Variants in BBX observed in about 807,000 individuals in gnomAD.
The protein encoded by BBX is BBX high mobility group box domain containing.
BBX carries 30 observed loss-of-function variants against 100.2 expected under a neutral mutation model. The ratio of observed to expected loss-of-function variants is 0.30; its 90% CI spans 0.22 to 0.41. BBX has a LOEUF of 0.41. Ranked by LOEUF, BBX falls within the 10% of genes least tolerant of loss-of-function variation. The probability of loss-of-function intolerance (pLI) is 1.00; values close to 1 mark genes in which losing one functional copy is unlikely to be tolerated. For missense variants in BBX, 1,023 were observed against 1,129.8 expected (o/e 0.91, Z 1.35); for synonymous variants, 376 against 388.1 (o/e 0.97, Z 0.37).
At chr3:107,574,859 A>T (rs1012772044) in intron 2 of BBX, among the ~76,000 whole-genome samples, 3 of 152,194 alleles carry the variant, frequency 2.0e-5, no homozygotes, top group Admixed American at 6.5e-5. Context: ...ACTCAAGTGG[A>T]CTTTCCTGGG....
At chr3:107,733,142 T>C (rs2063415032) in intron 7 of BBX, 119 bp downstream of exon 7, 1 of 846,790 alleles carries the variant, frequency 1.2e-6, no homozygotes, top group East Asian at 2.8e-5. Flanking sequence ...ACAAACTTTA[T>C]AATCTTTCTC....
chr3:107,624,386 T>G (rs1278371231), intron 2 of BBX, among the ~76,000 whole-genome samples: 1 of 152,194 alleles, frequency 6.6e-6, no homozygotes, highest in Non-Finnish European at 1.5e-5. Context: ...TTTGGAATCC[T>G]TTTTGCTTTG....
intron 2 of BBX, among the ~76,000 whole-genome samples, chr3:107,572,228 C>T (rs1233787153): frequency 1.3e-5 from 2 of 152,180 alleles, no homozygotes; most frequent in Non-Finnish European, 2.9e-5. Context: ...GTCTCTTGAA[C>T]TTTTCCCGTC....
chr3:107,580,320 C>G (rs1194373854), intron 2 of BBX, among the ~76,000 whole-genome samples: 1 of 151,832 alleles, frequency 6.6e-6, no homozygotes, highest in African/African-American at 2.4e-5. Context: ...AGCTTTTGGA[C>G]AGAATATGAA....
chr3:107,631,175 A>G (rs1462208833), intron 2 of BBX, among the ~76,000 whole-genome samples: 2 of 152,176 alleles, frequency 1.3e-5, no homozygotes, highest in South Asian at 2.1e-4. Context: ...AGTCTTTTCC[A>G]TTACAATAGA....
At chr3:107,533,624 AT>A (rs2048307572) in intron 2 of BBX, among the ~76,000 whole-genome samples, 1 of 152,204 alleles carries the variant, frequency 6.6e-6, no homozygotes, top group Admixed American at 6.5e-5. Context: ...AACCTCTTAT[AT>A]TCCATTTTGA....
At chr3:107,790,698 A>G (rs1450553342) in intron 14 of BBX, among the ~76,000 whole-genome samples, 1 of 152,176 alleles carries the variant, frequency 6.6e-6, no homozygotes, top group Non-Finnish European at 1.5e-5. Context: ...AAACCAACTC[A>G]TCCGGTGCCC....
At chr3:107,596,138 T>C (rs1044194748) in intron 2 of BBX, among the ~76,000 whole-genome samples, 2 of 152,232 alleles carry the variant, frequency 1.3e-5, no homozygotes, top group African/African-American at 4.8e-5. Flanking sequence ...AAGGGTCAAC[T>C]GTATTTTATA....
chr3:107,810,796 T>G lies in BBX; in HGVS notation c.*5339T>G, dbSNP rs1467113564. On this transcript the variant is annotated 3_prime_UTR_variant, in exon 18 of 18. Coordinates refer to ENST00000325805, the MANE Select transcript of BBX (RefSeq NM_001142568.3). ...TCACCTGAGACTCCACATACCAGATTATAAACTCTTCTCGTAGGTTTGAAT... is the reference window on the plus strand; with the variant it reads ...TCACCTGAGACTCCACATACCAGATGATAAACTCTTCTCGTAGGTTTGAAT... The G allele has an allele frequency of 6.6e-6, 1 of 152,240 alleles. No homozygotes were observed. Among genetic ancestry groups the G allele is most frequent in the East Asian group, 1.9e-4 (1 of 5,206 alleles). 9.4% of individuals were successfully genotyped at this position (152,240 alleles called of 1,614,324 possible). A position where few individuals can be genotyped will look rare whatever the true frequency, so the allele number is the denominator to read the frequency against.
At chr3:107,664,324 C>T (rs531168202) in intron 3 of BBX, among the ~76,000 whole-genome samples, 5 of 152,206 alleles carry the variant, frequency 3.3e-5, no homozygotes, top group African/African-American at 1.2e-4. Flanking sequence ...TTTATGCTCC[C>T]ACTAACAGAA....
intron 8 of BBX, 32 bp downstream of exon 8, chr3:107,744,742 A>G: frequency 1.3e-6 from 2 of 1,557,662 alleles, no homozygotes; most frequent in African/African-American, 2.7e-5. Flanking sequence ...TTAACTAATG[A>G]GGAAATTGTA....
At chr3:107,545,218 CT>C (rs1482339599) in intron 2 of BBX, among the ~76,000 whole-genome samples, 1 of 152,124 alleles carries the variant, frequency 6.6e-6, no homozygotes, top group African/African-American at 2.4e-5. Context: ...TATTAAAAAG[CT>C]TTTCTTTATT....
At chr3:107,674,932 G>A (rs1051142530) in intron 3 of BBX, 1 of 152,160 alleles carries the variant, frequency 6.6e-6, no homozygotes, top group African/African-American at 2.4e-5. Context: ...CTCCAGACAC[G>A]AAAGAGGGAA....
chr3:107,801,945 A>G (rs2070536045), intron 17 of BBX, among the ~76,000 whole-genome samples: 1 of 152,196 alleles, frequency 6.6e-6, no homozygotes, highest in Non-Finnish European at 1.5e-5. Context: ...GAGCATAGTG[A>G]TATCGCCAAA....
intron 6 of BBX, among the ~76,000 whole-genome samples, chr3:107,729,193 C>CA (rs1444099374): frequency 6.6e-6 from 1 of 152,114 alleles, no homozygotes; most frequent in Non-Finnish European, 1.5e-5. Flanking sequence ...GAATTCCTGA[C>CA]ATTGACAGTA....
intron 2 of BBX, among the ~76,000 whole-genome samples, chr3:107,558,920 A>G (rs574338410): frequency 2.6e-5 from 4 of 152,334 alleles, no homozygotes; most frequent in Admixed American, 1.3e-4. Flanking sequence ...GGGAAAACAA[A>G]GAAATTATCA....
chr3:107,594,878 T>C (rs918162447), intron 2 of BBX, among the ~76,000 whole-genome samples: 1 of 152,238 alleles, frequency 6.6e-6, no homozygotes, highest in Non-Finnish European at 1.5e-5. Context: ...AAAGATGCTG[T>C]TATTACCTTT....
chr3:107,652,528 G>A (rs2057899052), intron 3 of BBX, among the ~76,000 whole-genome samples: 2 of 152,130 alleles, frequency 1.3e-5, no homozygotes, highest in Non-Finnish European at 2.9e-5. Context: ...CAAAAACCTT[G>A]TATATAAGGA....
intron 3 of BBX, among the ~76,000 whole-genome samples, chr3:107,699,270 C>T (rs553890480): frequency 4.6e-5 from 7 of 151,692 alleles, no homozygotes; most frequent in Admixed American, 2.0e-4. Flanking sequence ...AGAGTTCCAC[C>T]GGAAGGAAAC....
Sources: allele counts gnomAD v4.1 joint callset (sites outside exome capture counted in the v4.1 genomes callset), GRCh38; gene constraint gnomAD v4.1.1; transcripts MANE v1.5; gene names NCBI Gene and HGNC (gene_info 2026-07-23, HGNC 2026-07-21).